TTC7B: variants seen among roughly 807,000 people sequenced by gnomAD.
The protein encoded by TTC7B is tetratricopeptide repeat domain 7B, also known as tetratricopeptide repeat protein 7B.
Under a neutral mutation model 106.8 loss-of-function variants are expected in TTC7B, and 28 were observed. The observed-to-expected ratio is 0.26, with a 90% CI of 0.19 to 0.36. TTC7B has a LOEUF of 0.36. TTC7B is among the 10% of genes least tolerant of loss of function. The pLI is 1.00. For synonymous variants in TTC7B, 405 were observed against 430.6 expected (o/e 0.94, Z 0.74); for missense variants, 862 against 1,076.4 (o/e 0.80, Z 2.79).
chr14:90,677,659 A>G (rs1346980262), intron 8 of TTC7B, among the ~76,000 whole-genome samples: 3 of 152,204 alleles, frequency 2.0e-5, no homozygotes, highest in Non-Finnish European at 4.4e-5. Context: ...AAAGTGGTAC[A>G]TGAGGTTCCG....
At chr14:90,798,919 A>G (rs2140053936) in intron 1 of TTC7B, among the ~76,000 whole-genome samples, 1 of 152,192 alleles carries the variant, frequency 6.6e-6, no homozygotes, top group South Asian at 2.1e-4. Context: ...TTCATTACCT[A>G]CAAAAAACAT....
chr14:90,796,444 C>T (rs1891778310), intron 1 of TTC7B, among the ~76,000 whole-genome samples: 1 of 152,200 alleles, frequency 6.6e-6, no homozygotes, highest in African/African-American at 2.4e-5. Flanking sequence ...CACAACAGAG[C>T]CAGTCCCCTG....
intron 5 of TTC7B, among the ~76,000 whole-genome samples, chr14:90,710,089 A>G (rs1281402415): frequency 6.6e-6 from 1 of 150,396 alleles, no homozygotes; most frequent in Non-Finnish European, 1.5e-5. Context: ...TCTGGAAAGG[A>G]TTCACCATTC....
intron 3 of TTC7B, among the ~76,000 whole-genome samples, chr14:90,760,124 C>T (rs191005683): frequency 1.6e-4 from 25 of 152,228 alleles, no homozygotes; most frequent in African/African-American, 4.8e-4. Context: ...TGTGGACAAA[C>T]GGGGCTGGAG....
chr14:90,619,645 G>A (rs915947514), intron 15 of TTC7B, among the ~76,000 whole-genome samples: 2 of 152,192 alleles, frequency 1.3e-5, no homozygotes, highest in African/African-American at 2.4e-5. Flanking sequence ...CACTTCACAC[G>A]CTGTCAATGT....
At chr14:90,708,336 G>A (rs887219955) in intron 5 of TTC7B, among the ~76,000 whole-genome samples, 2 of 152,166 alleles carry the variant, frequency 1.3e-5, no homozygotes, top group African/African-American at 4.8e-5. Flanking sequence ...CGTAGCTACA[G>A]AGAAGTCAAC....
At chr14:90,615,045 A>T (rs574007394) in intron 16 of TTC7B, among the ~76,000 whole-genome samples, 3 of 152,376 alleles carry the variant, frequency 2.0e-5, no homozygotes, top group South Asian at 2.1e-4. Flanking sequence ...GGCTTCTGAA[A>T]TGACAAACAC....
chr14:90,763,138 A>G (rs1006253377), intron 3 of TTC7B, among the ~76,000 whole-genome samples: 1 of 152,214 alleles, frequency 6.6e-6, no homozygotes, highest in Admixed American at 6.5e-5. Flanking sequence ...AATCCCCTAC[A>G]AAATATTAGC....
At chr14:90,599,734 C>T (rs1460024560) in intron 17 of TTC7B, among the ~76,000 whole-genome samples, 1 of 152,230 alleles carries the variant, frequency 6.6e-6, no homozygotes, top group Admixed American at 6.5e-5. Flanking sequence ...CAGAAATCAC[C>T]TGCTGCTAAT....
At chr14:90,733,321 G>T (rs1227792884) in intron 4 of TTC7B, among the ~76,000 whole-genome samples, 2 of 151,982 alleles carry the variant, frequency 1.3e-5, no homozygotes, top group East Asian at 3.9e-4. Flanking sequence ...GAGCGGTGGA[G>T]CTGGTGCAGA....
chr14:90,590,168 C>T (rs1281177001), intron 18 of TTC7B, among the ~76,000 whole-genome samples: 1 of 152,184 alleles, frequency 6.6e-6, no homozygotes, highest in East Asian at 1.9e-4. Flanking sequence ...TGGAAGGGAG[C>T]ACCTATCATA....
intron 18 of TTC7B, among the ~76,000 whole-genome samples, chr14:90,590,186 T>G (rs1227828217): frequency 6.6e-6 from 1 of 152,198 alleles, no homozygotes; most frequent in Non-Finnish European, 1.5e-5. Context: ...ATACAGAAAG[T>G]GGGGACCTGC....
At chr14:90,756,337 T>C (rs955818162) in intron 3 of TTC7B, among the ~76,000 whole-genome samples, 2 of 152,032 alleles carry the variant, frequency 1.3e-5, no homozygotes, top group Non-Finnish European at 2.9e-5. Context: ...ATTTCACCTC[T>C]AGTGGAAGAG....
At chr14:90,674,165 GA>G (rs929575823) in intron 9 of TTC7B, among the ~76,000 whole-genome samples, 5 of 151,580 alleles carry the variant, frequency 3.3e-5, no homozygotes, top group Admixed American at 3.3e-4. Context: ...AGATGAGGAG[GA>G]AAAAAAAGTG....
chr14:90,683,652 G>C (rs1310860156), intron 7 of TTC7B, among the ~76,000 whole-genome samples: 1 of 151,976 alleles, frequency 6.6e-6, no homozygotes, highest in Non-Finnish European at 1.5e-5. Flanking sequence ...AAGAAAGAAG[G>C]GTCCCTCACG....
chr14:90,694,723 TATATTTTATATAC>T (rs1887625392), intron 6 of TTC7B, among the ~76,000 whole-genome samples: 1 of 139,926 alleles, frequency 7.1e-6, no homozygotes, highest in Non-Finnish European at 1.5e-5. Context: ...ATAAAATAGG[TATATTTTATATAC>T]ATTTTATTTT....
chr14:90,601,624 C>A (rs1443811986), intron 17 of TTC7B, among the ~76,000 whole-genome samples: 1 of 151,974 alleles, frequency 6.6e-6, no homozygotes, highest in Non-Finnish European at 1.5e-5. Context: ...GATTTTTCTC[C>A]AAAAAAACAA....
intron 16 of TTC7B, among the ~76,000 whole-genome samples, chr14:90,616,244 G>T (rs368397167): frequency 3.9e-5 from 6 of 152,308 alleles, no homozygotes; most frequent in African/African-American, 1.2e-4. Context: ...TAGCTGGTTC[G>T]GAGGCAGACT....
intron 7 of TTC7B, among the ~76,000 whole-genome samples, chr14:90,681,411 A>T (rs1233527074): frequency 2.6e-5 from 4 of 152,122 alleles, no homozygotes; most frequent in Non-Finnish European, 5.9e-5. Context: ...GACTAAAAAC[A>T]ACTAAGTTTA....
Sources: allele counts gnomAD v4.1 joint callset (sites outside exome capture counted in the v4.1 genomes callset), GRCh38; gene constraint gnomAD v4.1.1; transcripts MANE v1.5; gene names NCBI Gene and HGNC (gene_info 2026-07-23, HGNC 2026-07-21).